The following SOBP variants were observed in gnomAD, a reference collection of about 807,000 sequenced individuals.
SOBP encodes the protein sine oculis-binding protein homolog.
In SOBP, 4 loss-of-function variants were observed where a neutral mutation model predicts 53.6. The observed-to-expected ratio is 0.07, with a 90% CI of 0.04 to 0.17. The LOEUF (loss-of-function observed/expected upper bound fraction) is 0.17. SOBP is among the 10% of genes least tolerant of loss of function. The probability of loss-of-function intolerance (pLI) is 1.00; values close to 1 mark genes in which losing one functional copy is unlikely to be tolerated. For missense variants in SOBP, 1,088 were observed against 1,204.7 expected, an observed-to-expected ratio of 0.90 and a Z score of 1.43; for synonymous variants, 584 against 522.6, an observed-to-expected ratio of 1.12 and a Z score of -1.60.
chr6:107,581,820 C>G (rs1483014878), intron 4 of SOBP, among the ~76,000 whole-genome samples: 1 of 151,908 alleles, frequency 6.6e-6, no homozygotes, highest in African/African-American at 2.4e-5. Context: ...CCCCTTTTTT[C>G]TCCTCTCCAA....
At chr6:107,541,731 G>A (rs1423339983) in intron 4 of SOBP, among the ~76,000 whole-genome samples, 1 of 152,104 alleles carries the variant, frequency 6.6e-6, no homozygotes, top group Non-Finnish European at 1.5e-5. Flanking sequence ...AATATGGTGA[G>A]CATTTTTATG....
At chr6:107,608,888 G>C (rs924594131) in intron 5 of SOBP, among the ~76,000 whole-genome samples, 4 of 152,214 alleles carry the variant, frequency 2.6e-5, no homozygotes, top group Non-Finnish European at 2.9e-5. Flanking sequence ...CAGTGAGTTT[G>C]TTCGATTTGG....
At chr6:107,647,552 G>T (rs1265044703) in intron 6 of SOBP, among the ~76,000 whole-genome samples, 1 of 152,224 alleles carries the variant, frequency 6.6e-6, no homozygotes, top group African/African-American at 2.4e-5. Context: ...CCTTGGATGT[G>T]TAATGGAAAA....
intron 1 of SOBP, among the ~76,000 whole-genome samples, chr6:107,498,405 T>C (rs962621235): frequency 2.0e-5 from 3 of 152,230 alleles, no homozygotes; most frequent in Non-Finnish European, 2.9e-5. Context: ...ATCTACTTGT[T>C]GTTTTCAAAA....
Position 107,501,486 on chromosome 6 carries a change from A to G in SOBP, c.97-2171A>G, listed in dbSNP as rs1413969713. Among the ~76,000 whole-genome samples, 5 of 152,356 alleles carry G rather than the reference A, an allele frequency of 3.3e-5. No homozygotes were observed. In the South Asian group the frequency reaches 6.2e-4, roughly 19 times the overall value. ...TAAAACTGGATATAGTCACTAGGAT[A>G]TATGTAAAAGATATTCTGTCTTGGC... On this transcript the variant is annotated intron_variant, in intron 1 of 6. Coordinates refer to ENST00000317357, the MANE Select transcript of SOBP (RefSeq NM_018013.4).
intron 5 of SOBP, among the ~76,000 whole-genome samples, chr6:107,616,677 C>T (rs948538634): frequency 4.6e-5 from 7 of 152,206 alleles, no homozygotes; most frequent in Admixed American, 3.9e-4. Flanking sequence ...GAAAGCAAAT[C>T]GGAGAGGGTT....
At chr6:107,616,083 G>GA (rs1786776922) in intron 5 of SOBP, among the ~76,000 whole-genome samples, 6 of 95,336 alleles carry the variant, frequency 6.3e-5, no homozygotes, top group African/African-American at 1.1e-4. Flanking sequence ...AGGAAGGGGG[G>GA]TGGGGGGGGG....
intron 5 of SOBP, among the ~76,000 whole-genome samples, chr6:107,609,207 C>A (rs924528577): frequency 6.6e-6 from 1 of 152,118 alleles, no homozygotes; most frequent in Non-Finnish European, 1.5e-5. Flanking sequence ...GTTGTAGTAT[C>A]TTTATATAAT....
Position 107,635,095 on chromosome 6 carries a change from C to T in SOBP, c.2251C>T (p.Pro751Ser), listed in dbSNP as rs746483157. The T allele has an allele frequency of 7.6e-5, 122 of 1,597,418 alleles. 1 individual carries two copies. The highest frequency in any genetic ancestry group is 9.7e-5 in the Non-Finnish European group (114 of 1,172,282). The change falls in exon 6 of 7, where the codon CCC becomes TCC. Residue 751 changes from proline to serine, a missense_variant. Physicochemically the swap from Pro to Ser is moderately conservative, Grantham distance 74. Coordinates refer to ENST00000317357, the MANE Select transcript of SOBP (RefSeq NM_018013.4). This position sits in a 1 kb window ranked among gnomAD's most constrained non-coding sequence, Gnocchi z 4.5. The part of the protein sequence containing the change: ...PPEQPPPPPP[P>S]APPKKLLSPE... ...CGAGCAGCCGCCGCCGCCGCCGCCG[C>T]CCGCGCCCCCCAAGAAGCTGCTGTC...
intron 3 of SOBP, 46 bp downstream of exon 3, chr6:107,506,473 T>A: frequency 1.9e-6 from 3 of 1,601,136 alleles, no homozygotes; most frequent in Non-Finnish European, 2.6e-6. Context: ...CATAGAAAGT[T>A]GTTTTAACCA....
chr6:107,529,349 A>G (rs973591293), intron 3 of SOBP: 5 of 591,680 alleles, frequency 8.5e-6, no homozygotes, highest in South Asian at 1.5e-4. Context: ...GGGCCATTTC[A>G]TGTCATTTCA....
At chr6:107,500,561 G>A (rs934284568) in intron 1 of SOBP, among the ~76,000 whole-genome samples, 25 of 150,388 alleles carry the variant, frequency 1.7e-4, no homozygotes, top group Non-Finnish European at 2.5e-4. Flanking sequence ...TCTCTCTGTC[G>A]CCCAGGCTGG....
chr6:107,509,815 A>G (rs893333241), intron 3 of SOBP: 1 of 152,190 alleles, frequency 6.6e-6, no homozygotes, highest in Non-Finnish European at 1.5e-5. Context: ...ACTGAACACC[A>G]GTGGTTTTAT....
At chr6:107,586,252 G>C (rs1021791835) in intron 4 of SOBP, among the ~76,000 whole-genome samples, 7 of 152,224 alleles carry the variant, frequency 4.6e-5, no homozygotes, top group African/African-American at 1.7e-4. Context: ...AGAGCAGTTA[G>C]GGCTAAGATG....
chr6:107,537,317 C>A (rs1290182001), intron 4 of SOBP, among the ~76,000 whole-genome samples: 1 of 152,146 alleles, frequency 6.6e-6, no homozygotes, highest in African/African-American at 2.4e-5. Flanking sequence ...TGGGAAATAT[C>A]TTATTGTCCA....
rs1431431695 is a variant in SOBP, at chr6:107,658,400, C to T, written c.*197C>T. The stretch of plus-strand genomic sequence containing the variant: ...GGCCTCTAGCCCAGAGAAGCCCGCG[C>T]ATCTTGGACCCACCAAGCAGGCCCA... On this transcript the variant is annotated 3_prime_UTR_variant, in exon 7 of 7. Transcript: ENST00000317357. 6.6e-6 allele frequency: 1 copy of T among 152,634 alleles called. No individual in the cohort carries two copies. Among genetic ancestry groups the T allele is most frequent in the Non-Finnish European group, 1.5e-5 (1 of 68,070 alleles). The allele number at this position is 152,634 out of a possible 1,614,324, so 9.5% of individuals were successfully genotyped here.
intron 5 of SOBP, among the ~76,000 whole-genome samples, chr6:107,589,799 C>T (rs34934922): frequency 1.1e-3 from 160 of 152,316 alleles, no homozygotes; most frequent in Non-Finnish European, 2.1e-3. Flanking sequence ...TTCAGTGTGG[C>T]CCCACCTACC....
At chr6:107,519,061 C>G (rs1783408572) in intron 3 of SOBP, among the ~76,000 whole-genome samples, 2 of 149,666 alleles carry the variant, frequency 1.3e-5, no homozygotes, top group Non-Finnish European at 3.0e-5. Flanking sequence ...AGATATACCC[C>G]TCTGTGGTCT....
At chr6:107,549,293 CA>C (rs1220673040) in intron 4 of SOBP, among the ~76,000 whole-genome samples, 10 of 149,578 alleles carry the variant, frequency 6.7e-5, no homozygotes, top group Admixed American at 3.3e-4. Flanking sequence ...ACAACAACAA[CA>C]AAAAAAAACA....
Sources: gnomAD v4.1 joint callset for allele counts (sites outside exome capture counted in the v4.1 genomes callset) on GRCh38, gnomAD v4.1.1 for gene constraint, Gnocchi (gnomAD v3.1) non-coding constraint, MANE v1.5 for transcripts, NCBI Gene and HGNC (gene_info 2026-07-23, HGNC 2026-07-21) for gene names.